MAN1B1: variants seen among roughly 807,000 people sequenced by gnomAD.
MAN1B1 encodes the protein mannosidase alpha class 1B member 1.
Under a neutral mutation model 75.5 loss-of-function variants are expected in MAN1B1, and 66 were observed. The ratio of observed to expected loss-of-function variants is 0.87; its 90% CI spans 0.72 to 1.07. The LOEUF is 1.07. Among genes scored for constraint, MAN1B1 ranks in the 50% least tolerant of loss-of-function variants. The probability of loss-of-function intolerance (pLI) is 0.00; values close to 1 mark genes in which losing one functional copy is unlikely to be tolerated. For missense variants in MAN1B1, 973 were observed against 912.5 expected (o/e 1.07, Z -0.85); for synonymous variants, 453 against 382.8 (o/e 1.18, Z -2.14).
Position 137,088,142 on chromosome 9 carries a change from G to T in MAN1B1, c.287G>T (p.Cys96Phe). 6.2e-7 allele frequency: 1 copy of T among 1,614,154 alleles called. No homozygotes were observed. Among genetic ancestry groups the T allele is most frequent in the South Asian group, 1.1e-5 (1 of 91,082 alleles). Residue 96 changes from cysteine (C) to phenylalanine (F), a missense_variant, in exon 2 of 13, where the codon TGT (cysteine) becomes TTT (phenylalanine). Cys to Phe is a radical substitution (Grantham distance 205). Transcript: ENST00000371589. The part of the protein sequence containing the change: ...ILFLLAFLLF[C>F]GLLFYINLAD... The stretch of plus-strand genomic sequence containing the variant: ...TTCCTCCTTGCCTTTCTGCTTTTCT[G>T]TGGACTCCTCTTCTACATCAACTTG...
chr9:137,106,326 G>T lies in MAN1B1; in HGVS notation c.1445+11G>T, dbSNP rs1255823281. 3 of 1,545,394 alleles carry T rather than the reference G, an allele frequency of 1.9e-6. No individual in the cohort carries two copies. Among genetic ancestry groups the T allele is most frequent in the Admixed American group, 2.0e-5 (1 of 50,914 alleles). ...GAAGCAGGAGACACAGTGAGGCCCGGCCCGCTGCCCCCAGCTCCCGCGGCT... is the reference window on the plus strand; with the variant it reads ...GAAGCAGGAGACACAGTGAGGCCCGTCCCGCTGCCCCCAGCTCCCGCGGCT... On this transcript the variant is annotated intron_variant, in intron 9 of 12. Coordinates refer to ENST00000371589, the MANE Select transcript of MAN1B1 (RefSeq NM_016219.5).
Position 137,099,824 on chromosome 9 carries a change from C to T in MAN1B1, c.859C>T (p.Leu287Phe), listed in dbSNP as rs1830758638. The T allele has an allele frequency of 1.2e-6, 2 of 1,614,222 alleles. No individual in the cohort carries two copies. The highest frequency in any genetic ancestry group is 2.2e-5 in the South Asian group (2 of 91,086). Reference protein sequence around the residue: ...VSRSFSEWFGLGLTLIDALDT... With the variant: ...VSRSFSEWFGFGLTLIDALDT... The stretch of plus-strand genomic sequence containing the variant: ...CAGGTCCTTCAGTGAGTGGTTTGGC[C>T]TCGGTCTCACACTGATCGACGCGCT... The change falls in exon 6 of 13, where the codon CTC becomes TTC. Residue 287 changes from leucine (L) to phenylalanine (F), a missense_variant. Coordinates refer to ENST00000371589, the MANE Select transcript of MAN1B1 (RefSeq NM_016219.5).
Position 137,087,183 on chromosome 9 carries a change from A to G in MAN1B1, c.184A>G (p.Asn62Asp). ...GCTGAGCTTTGGCGAGAACTATGAC[A>G]ACAGCAAGAGTTGGCGGCGGCGCTC... ...VTLSFGENYD[N>D]SKSWRRRSCW... The change falls in exon 1 of 13, where the codon AAC becomes GAC. Residue 62 changes from asparagine to aspartate, a missense_variant. Physicochemically the swap from Asn to Asp is conservative, Grantham distance 23. Coordinates refer to ENST00000371589, the MANE Select transcript of MAN1B1 (RefSeq NM_016219.5). The G allele has an allele frequency of 6.3e-7, 1 of 1,591,420 alleles. No homozygotes were observed. The highest frequency in any genetic ancestry group is 8.5e-7 in the Non-Finnish European group (1 of 1,169,762).
chr9:137,094,705 C>T (rs1830610628), intron 3 of MAN1B1, among the ~76,000 whole-genome samples: 1 of 151,170 alleles, frequency 6.6e-6, no homozygotes. Flanking sequence ...ATGGTGAAAT[C>T]CTGTCTCTAC....
intron 9 of MAN1B1, 141 bp downstream of exon 9, chr9:137,106,456 G>T: frequency 9.9e-7 from 1 of 1,005,142 alleles, no homozygotes; most frequent in Non-Finnish European, 1.5e-6. Context: ...GCCGTGCCAG[G>T]CCTGGCCCAG....
At chr9:137,108,116 C>A in intron 12 of MAN1B1, 1 of 610,574 alleles carries the variant, frequency 1.6e-6, no homozygotes, top group Non-Finnish European at 2.9e-6. Context: ...TGCCCTGTGC[C>A]CTGTGCCCTG....
intron 8 of MAN1B1, chr9:137,104,154 A>G (rs1433281607): frequency 4.6e-6 from 2 of 438,982 alleles, no homozygotes; most frequent in African/African-American, 4.0e-5. Context: ...CCAGTCCCTG[A>G]AAAACACTGT....
chr9:137,094,527 T>A (rs910561740), intron 3 of MAN1B1: 1 of 233,838 alleles, frequency 4.3e-6, no homozygotes. Flanking sequence ...ATTGCTTGAA[T>A]GCAGGAGTTC....
Position 137,109,097 on chromosome 9 carries a change from G to C in MAN1B1, c.*506G>C. 1 of 455,546 alleles carries C rather than the reference G, an allele frequency of 2.2e-6. No homozygotes were observed. The highest frequency in any genetic ancestry group is 4.4e-6 in the Non-Finnish European group (1 of 227,272). The allele number at this position is 455,546 out of a possible 1,614,324, so 28.2% of individuals were successfully genotyped here. On this transcript the variant is annotated 3_prime_UTR_variant, in exon 13 of 13. Coordinates refer to ENST00000371589, the MANE Select transcript of MAN1B1 (RefSeq NM_016219.5). ...TCCTGGCCGCCCCGCAGGGGGCTTG[G>C]AGGGCTGGACGGCAAGTCCGTCTAG...
chr9:137,101,255 T>C, intron 7 of MAN1B1, 102 bp downstream of exon 7: 1 of 1,457,820 alleles, frequency 6.9e-7, no homozygotes, highest in East Asian at 2.3e-5. Flanking sequence ...CTGTTTCCTC[T>C]TCAAATGCAC....
intron 8 of MAN1B1, chr9:137,102,333 G>T (rs552742257): frequency 1.8e-5 from 8 of 436,132 alleles, no homozygotes; most frequent in African/African-American, 1.7e-4. Context: ...TCACGCTGTT[G>T]CAGGCGTGCA....
rs547131786 is a variant in MAN1B1, at chr9:137,087,270, C to T, written c.219+52C>T. 5.2e-6 allele frequency: 8 copies of T among 1,535,376 alleles called. No homozygotes were observed. In the Admixed American group the frequency reaches 1.2e-4, roughly 23 times the overall value. On this transcript the variant is annotated intron_variant, in intron 1 of 12. Transcript: ENST00000371589. ...GCCCGGGGCTGCCGTGCCCGCCGCCCTCCCAGACTGCGGCTCCGAGCGGGA... is the reference window on the plus strand; with the variant it reads ...GCCCGGGGCTGCCGTGCCCGCCGCCTTCCCAGACTGCGGCTCCGAGCGGGA...
intron 3 of MAN1B1, among the ~76,000 whole-genome samples, chr9:137,092,521 T>A (rs1830543749): frequency 1.3e-5 from 2 of 152,206 alleles, no homozygotes; most frequent in South Asian, 4.1e-4. Flanking sequence ...TTTTTATAGC[T>A]CTTCTCCATT....
chr9:137,092,055 A>G (rs1252204953), intron 3 of MAN1B1, among the ~76,000 whole-genome samples: 2 of 152,130 alleles, frequency 1.3e-5, no homozygotes, highest in Non-Finnish European at 2.9e-5. Context: ...TCCCAGTCCA[A>G]CTCTTGAAAC....
At chr9:137,094,444 A>G in intron 3 of MAN1B1, 1 of 472,324 alleles carries the variant, frequency 2.1e-6, no homozygotes, top group Non-Finnish European at 4.3e-6. Context: ...GGTGGAGAAG[A>G]GACTAGAGAA....
intron 9 of MAN1B1, 127 bp downstream of exon 9, chr9:137,106,442 C>A: frequency 2.9e-6 from 3 of 1,041,202 alleles, no homozygotes; most frequent in Non-Finnish European, 4.2e-6. Flanking sequence ...GTCAGGAAAC[C>A]GCAGCCGTGC....
intron 9 of MAN1B1, 111 bp downstream of exon 9, chr9:137,106,426 C>T: frequency 4.4e-6 from 5 of 1,126,690 alleles, no homozygotes; most frequent in Non-Finnish European, 6.3e-6. Context: ...CCCCGCCACA[C>T]TGTGTGTCAG....
intron 3 of MAN1B1, among the ~76,000 whole-genome samples, chr9:137,095,765 G>A (rs1830635911): frequency 6.6e-6 from 1 of 152,154 alleles, no homozygotes; most frequent in Admixed American, 6.5e-5. Context: ...GAACAGGGTG[G>A]TGGGGGCTGG....
chr9:137,088,646 GC>G, intron 2 of MAN1B1: 1 of 697,174 alleles, frequency 1.4e-6, no homozygotes, highest in Non-Finnish European at 2.4e-6. Flanking sequence ...AAATAGGAAG[GC>G]AAAAGATGTG....
Sources: allele counts gnomAD v4.1 joint callset (sites outside exome capture counted in the v4.1 genomes callset), GRCh38; gene constraint gnomAD v4.1.1; transcripts MANE v1.5; gene names NCBI Gene and HGNC (gene_info 2026-07-23, HGNC 2026-07-21).